The following SPATA6 variants were observed in gnomAD, a reference collection of about 807,000 sequenced individuals.
SPATA6 encodes the protein spermatogenesis associated 6, also known as spermatogenesis-associated protein 6.
SPATA6 carries 56 observed loss-of-function variants against 65.3 expected under a neutral mutation model. The observed-to-expected ratio is 0.86, with a 90% CI of 0.69 to 1.07. The LOEUF (loss-of-function observed/expected upper bound fraction) is 1.07. Ranked by LOEUF, SPATA6 falls within the 50% of genes least tolerant of loss-of-function variation. SPATA6 has a pLI of 0.00. For synonymous variants in SPATA6, 199 were observed against 213.2 expected (o/e 0.93, Z 0.58); for missense variants, 590 against 594.8 (o/e 0.99, Z 0.08).
intron 1 of SPATA6, among the ~76,000 whole-genome samples, chr1:48,470,596 C>A (rs745313650): frequency 1.3e-5 from 2 of 152,086 alleles, no homozygotes; most frequent in African/African-American, 2.4e-5. Context: ...CACACTCTGC[C>A]CCACGCACAC....
chr1:48,423,567 T>TCTTTC (rs201266066), intron 3 of SPATA6, among the ~76,000 whole-genome samples: 61 of 129,132 alleles, frequency 4.7e-4, no homozygotes, highest in Non-Finnish European at 7.0e-4. Flanking sequence ...TTTCTTTCTT[T>TCTTTC]TTTTTTTTTT....
intron 11 of SPATA6, among the ~76,000 whole-genome samples, chr1:48,332,293 G>A (rs941889652): frequency 1.1e-4 from 16 of 152,152 alleles, no homozygotes; most frequent in African/African-American, 3.9e-4. Context: ...GTGGCTGCCA[G>A]CTGGATAAAG....
intron 1 of SPATA6, 71 bp from the exon 2 acceptor site, chr1:48,453,202 A>G: frequency 6.9e-7 from 1 of 1,455,672 alleles, no homozygotes; most frequent in African/African-American, 1.4e-5. Flanking sequence ...AAAATAACTT[A>G]TCAAATATTA....
intron 11 of SPATA6, among the ~76,000 whole-genome samples, chr1:48,346,885 C>T (rs534831374): frequency 1.3e-4 from 20 of 152,062 alleles, no homozygotes; most frequent in African/African-American, 4.3e-4. Context: ...TTAAAATGGC[C>T]ATACTGTCCA....
chr1:48,456,730 A>G (rs545407781), intron 1 of SPATA6, among the ~76,000 whole-genome samples: 1 of 152,304 alleles, frequency 6.6e-6, no homozygotes, highest in East Asian at 1.9e-4. Context: ...AAAAGTGCCA[A>G]AATTAAATTA....
chr1:48,395,939 G>C (rs919870040), intron 7 of SPATA6, among the ~76,000 whole-genome samples: 3 of 151,758 alleles, frequency 2.0e-5, no homozygotes, highest in African/African-American at 7.2e-5. Flanking sequence ...GCAACCCATT[G>C]AATCAGCCAC....
At chr1:48,364,292 T>C (rs550395341) in intron 9 of SPATA6, among the ~76,000 whole-genome samples, 1 of 152,346 alleles carries the variant, frequency 6.6e-6, no homozygotes, top group South Asian at 2.1e-4. Flanking sequence ...AGAAGCATGA[T>C]TTATATTCCT....
At chr1:48,399,317 A>G (rs1361202095) in intron 7 of SPATA6, 34 bp downstream of exon 7, 3 of 1,571,422 alleles carry the variant, frequency 1.9e-6, no homozygotes, top group African/African-American at 1.4e-5. Context: ...AAAGCTGATC[A>G]GTTTCAAATA....
intron 1 of SPATA6, among the ~76,000 whole-genome samples, chr1:48,469,508 G>A (rs748674643): frequency 2.0e-5 from 3 of 150,016 alleles, no homozygotes; most frequent in African/African-American, 2.5e-5. Context: ...ATGTTGTGTG[G>A]TATGTGAGAG....
At chr1:48,426,299 G>A (rs1254383805) in intron 3 of SPATA6, among the ~76,000 whole-genome samples, 1 of 152,138 alleles carries the variant, frequency 6.6e-6, no homozygotes. Context: ...AACTGGAAAG[G>A]GGTTTGTTCA....
At chr1:48,364,522 T>C (rs1369236192) in intron 9 of SPATA6, among the ~76,000 whole-genome samples, 3 of 152,232 alleles carry the variant, frequency 2.0e-5, no homozygotes. Context: ...TATCTCATTG[T>C]GGTTTTGATT....
the SPATA6 span, among the ~76,000 whole-genome samples, chr1:48,264,654 T>C: frequency 6.6e-5 from 10 of 152,304 alleles, no homozygotes; most frequent in African/African-American, 2.4e-4. Flanking sequence ...TTGCTGAGGA[T>C]GATGGTTTCC....
intron 3 of SPATA6, among the ~76,000 whole-genome samples, chr1:48,443,782 G>A (rs951098561): frequency 6.6e-6 from 1 of 152,274 alleles, no homozygotes; most frequent in East Asian, 1.9e-4. Context: ...TCTAGGTCCC[G>A]TGACAGCCAT....
chr1:48,420,414 AGGAAGTTCCAGCCT>A (rs941008401), intron 3 of SPATA6, among the ~76,000 whole-genome samples: 1 of 152,210 alleles, frequency 6.6e-6, no homozygotes, highest in Non-Finnish European at 1.5e-5. Context: ...GCCAGTCAGG[AGGAAGTTCCAGCCT>A]GGACTTGGGC....
At chr1:48,451,671 T>C (rs1656584884) in intron 2 of SPATA6, 71 bp from the exon 3 acceptor site, 2 of 1,418,958 alleles carry the variant, frequency 1.4e-6, no homozygotes, top group Non-Finnish European at 1.9e-6. Context: ...ATCCCCAAAA[T>C]ATCATTCCTT....
intron 11 of SPATA6, among the ~76,000 whole-genome samples, chr1:48,350,437 G>GT (rs201395445): frequency 6.5e-4 from 97 of 150,334 alleles, no homozygotes; most frequent in Non-Finnish European, 1.1e-3. Flanking sequence ...CAATTTATCA[G>GT]TTTTTTTAAC....
At position 48,452,229 on chromosome 1, in the gene SPATA6, C is replaced by T. The variant is rs139997305; in HGVS notation, c.190-629G>A. On this transcript the variant is annotated intron_variant, in intron 2 of 12. Coordinates refer to ENST00000371847, the MANE Select transcript of SPATA6 (RefSeq NM_019073.4). ...CTGGAGAAAAAGAAGAAAAGAAAGA[C>T]GGAAAAAGGGAAGGAAGGAAGGCGA... Among the ~76,000 whole-genome samples the T allele has an allele frequency of 8.9e-3, 1,319 of 148,612 alleles. 6 individuals are homozygous for T. Among genetic ancestry groups the T allele is most frequent in the Non-Finnish European group, 0.015 (975 of 67,234 alleles).
At chr1:48,304,775 G>T (rs956394180) in intron 12 of SPATA6, among the ~76,000 whole-genome samples, 5 of 152,114 alleles carry the variant, frequency 3.3e-5, no homozygotes, top group African/African-American at 1.2e-4. Flanking sequence ...GCTCTTTCCT[G>T]TATCAGTTCT....
At chr1:48,431,955 TG>T (rs1446232722) in intron 3 of SPATA6, among the ~76,000 whole-genome samples, 1 of 151,614 alleles carries the variant, frequency 6.6e-6, no homozygotes, top group Non-Finnish European at 1.5e-5. Context: ...ACAAAAAATA[TG>T]AAAATTAGCT....
Sources: allele counts gnomAD v4.1 joint callset (sites outside exome capture counted in the v4.1 genomes callset), GRCh38; gene constraint gnomAD v4.1.1; transcripts MANE v1.5; gene names NCBI Gene and HGNC (gene_info 2026-07-23, HGNC 2026-07-21).